Variants in ZNF879 observed in about 807,000 individuals in gnomAD.
The protein encoded by ZNF879 is zinc finger protein 879.
ZNF879 carries 32 observed loss-of-function variants against 44.3 expected under a neutral mutation model. That is an observed-to-expected ratio of 0.72 (90% CI 0.54 to 0.97). The LOEUF (loss-of-function observed/expected upper bound fraction) is 0.97. Among genes scored for constraint, ZNF879 ranks in the 50% least tolerant of loss-of-function variants. The pLI, the probability that ZNF879 is intolerant of heterozygous loss-of-function variation, is 0.00. For missense variants in ZNF879, 621 were observed against 669.7 expected (o/e 0.93, Z 0.80); for synonymous variants, 234 against 233.2 (o/e 1.00, Z -0.03).
rs1761521021 is a variant in ZNF879 at position 179,034,236 on chromosome 5, T to A, written c.*596T>A. On this transcript the variant is annotated 3_prime_UTR_variant, in exon 5 of 5. Transcript: ENST00000444149. ...ATAAACTATGCAGACGTACTGTCTT[T>A]GCGTTTTCTTCCTGACTACTTGTTC... 7.4e-6 allele frequency: 1 copy of A among 134,912 alleles called. No homozygotes were observed. Among genetic ancestry groups the A allele is most frequent in the Non-Finnish European group, 1.7e-5 (1 of 58,890 alleles). The allele number at this position is 134,912 out of a possible 1,614,324, so 8.4% of individuals were successfully genotyped here. A position where few individuals can be genotyped will look rare whatever the true frequency, so the allele number is the denominator to read the frequency against.
intron 4 of ZNF879, among the ~76,000 whole-genome samples, chr5:179,029,670 A>C (rs1287471395): frequency 6.6e-6 from 1 of 152,186 alleles, no homozygotes; most frequent in African/African-American, 2.4e-5. Flanking sequence ...AGCAAAAAAA[A>C]GTCACCTGGA....
chr5:179,027,631 C>G (rs1425919085), intron 3 of ZNF879, 32 bp downstream of exon 3: 8 of 1,609,722 alleles, frequency 5.0e-6, no homozygotes, highest in Non-Finnish European at 4.2e-6. Context: ...GCAGAATCTG[C>G]CAGGAGAGCA....
rs955924858 is a variant in ZNF879, at chr5:179,034,696, C to A, written c.*1056C>A. On this transcript the variant is annotated 3_prime_UTR_variant, in exon 5 of 5. Coordinates refer to ENST00000444149, the MANE Select transcript of ZNF879 (RefSeq NM_001136116.3). ...CTCTTTCTTCCAGCAAATGGACTTACACTCTTCAACAAGTGATTTAGCTCA... is the reference window on the plus strand; with the variant it reads ...CTCTTTCTTCCAGCAAATGGACTTAAACTCTTCAACAAGTGATTTAGCTCA... 5.3e-5 allele frequency: 8 copies of A among 152,236 alleles called. No individual in the cohort carries two copies. The highest frequency in any genetic ancestry group is 1.7e-4 in the African/African-American group (7 of 41,458). 9.4% of individuals were successfully genotyped at this position (152,236 alleles called of 1,614,324 possible).
Position 179,033,503 on chromosome 5 carries a change from A to G in ZNF879, c.1555A>G (p.Lys519Glu). 6.4e-7 allele frequency: 1 copy of G among 1,559,864 alleles called. No individual in the cohort carries two copies. Among genetic ancestry groups the G allele is most frequent in the Non-Finnish European group, 8.7e-7 (1 of 1,152,040 alleles). Reference sequence around the variant, plus strand: ...ACCATATAATTGTAAAGTGTGTGGGAAAGCCTTCAGACAGAGTTCATCCCT... The same window carrying G: ...ACCATATAATTGTAAAGTGTGTGGGGAAGCCTTCAGACAGAGTTCATCCCT... ...EKPYNCKVCG[K>E]AFRQSSSLMT... Residue 519 changes from lysine to glutamate, a missense_variant, in exon 5 of 5, where the codon AAA becomes GAA. Coordinates refer to ENST00000444149, the MANE Select transcript of ZNF879 (RefSeq NM_001136116.3).
Position 179,034,879 on chromosome 5 carries a change from A to G in ZNF879, c.*1239A>G, listed in dbSNP as rs1761543529. ...AGGGCTGAAACGACCCATTTCATAA[A>G]GTGCTAAGTTTTTCTGCCAAGGAAC... is the stretch of plus-strand genomic sequence containing the variant. On this transcript the variant is annotated 3_prime_UTR_variant, in exon 5 of 5. Coordinates refer to ENST00000444149, the MANE Select transcript of ZNF879 (RefSeq NM_001136116.3). The G allele has an allele frequency of 6.6e-6, 1 of 152,168 alleles. No homozygotes were observed. Among genetic ancestry groups the G allele is most frequent in the Non-Finnish European group, 1.5e-5 (1 of 68,032 alleles). The allele number at this position is 152,168 out of a possible 1,614,324, so 9.4% of individuals were successfully genotyped here.
chr5:179,028,030 A>G lies in ZNF879; in HGVS notation c.161-2A>G. The G allele has an allele frequency of 1.9e-6, 3 of 1,551,500 alleles. No homozygotes were observed. The highest frequency in any genetic ancestry group is 1.4e-5 in the African/African-American group (1 of 73,134). On this transcript the variant is annotated splice_acceptor_variant, in intron 3 of 4. Coordinates refer to ENST00000444149, the MANE Select transcript of ZNF879 (RefSeq NM_001136116.3). LOFTEE classifies it high-confidence loss of function. ...TCACGTTTCTTTCTTGTTCATGAAC[A>G]GGGATTCTCTTTTCCAAGCCAAAGG...
At chr5:179,030,178 A>G (rs1053976872) in intron 4 of ZNF879, among the ~76,000 whole-genome samples, 2 of 152,194 alleles carry the variant, frequency 1.3e-5, no homozygotes, top group Non-Finnish European at 2.9e-5. Flanking sequence ...TTCCCTTATT[A>G]CCAAGGATTA....
chr5:179,027,644 T>C lies in ZNF879; in HGVS notation c.160+45T>C, dbSNP rs188202517. 51 of 1,602,566 alleles carry C rather than the reference T, an allele frequency of 3.2e-5. No homozygotes were observed. In the African/African-American group the frequency reaches 6.2e-4, roughly 19 times the overall value. ...ATGCAGAATCTGCCAGGAGAGCACC[T>C]TAGCACCCTCAGGGGGCACATTTGG... On this transcript the variant is annotated intron_variant, in intron 3 of 4. Coordinates refer to ENST00000444149, the MANE Select transcript of ZNF879 (RefSeq NM_001136116.3).
chr5:179,024,830 C>G, intron 1 of ZNF879, 140 bp from the exon 2 acceptor site: 8 of 631,774 alleles, frequency 1.3e-5, no homozygotes, highest in Non-Finnish European at 1.9e-5. Context: ...AGTGGCCGGA[C>G]TTAGGGCCCC....
At chr5:179,026,568 G>A (rs971556377) in intron 2 of ZNF879, among the ~76,000 whole-genome samples, 3 of 152,042 alleles carry the variant, frequency 2.0e-5, no homozygotes, top group Admixed American at 6.5e-5. Context: ...CTGCAGCCTC[G>A]ACCTCCTGGG....
At position 179,032,564 on chromosome 5, in the gene ZNF879, T is replaced by C; in HGVS notation, c.616T>C (p.Cys206Arg). The C allele has an allele frequency of 6.4e-7, 1 of 1,552,252 alleles. No individual in the cohort carries two copies. The highest frequency in any genetic ancestry group is 8.7e-7 in the Non-Finnish European group (1 of 1,147,354). The stretch of plus-strand genomic sequence containing the variant: ...CAACACAGTGCGTAAATGTTATAAA[T>C]GTAATATCTGTGGGAAAATCTTCCT... ...GVNTVRKCYK[C>R]NICGKIFLHS... The change falls in exon 5 of 5, where the codon TGT (cysteine) becomes CGT (arginine). Residue 206 changes from cysteine to arginine, a missense_variant. Transcript: ENST00000444149.
chr5:179,032,472 G>A lies in ZNF879; in HGVS notation c.524G>A (p.Arg175Lys). The change falls in exon 5 of 5, where the codon AGA becomes AAA. Residue 175 changes from arginine to lysine, a missense_variant. Coordinates refer to ENST00000444149, the MANE Select transcript of ZNF879 (RefSeq NM_001136116.3). The part of the protein sequence containing the change: ...GLKSSLIRKP[R>K]IVSRGRRPRS... ...AAATCATCGCTTATTAGAAAACCGAGAATAGTTTCCAGAGGAAGGAGACCC... is the reference window on the plus strand; with the variant it reads ...AAATCATCGCTTATTAGAAAACCGAAAATAGTTTCCAGAGGAAGGAGACCC... The A allele has an allele frequency of 6.4e-7, 1 of 1,551,698 alleles. No individual in the cohort carries two copies. The highest frequency in any genetic ancestry group is 1.2e-5 in the South Asian group (1 of 84,066).
chr5:179,026,911 T>C lies in ZNF879; in HGVS notation c.34-562T>C, dbSNP rs77016199. Among the ~76,000 whole-genome samples, 620 of 152,300 alleles carry C rather than the reference T, an allele frequency of 4.1e-3. 4 individuals are homozygous for C. The highest frequency in any genetic ancestry group is 0.014 in the African/African-American group (571 of 41,570). ...GGGTGGGGAGGGAGACTACTGACCA[T>C]AGCCTTCTCCTCTGGCTTGAAAGGT... On this transcript the variant is annotated intron_variant, in intron 2 of 4. Coordinates refer to ENST00000444149, the MANE Select transcript of ZNF879 (RefSeq NM_001136116.3).
intron 2 of ZNF879, among the ~76,000 whole-genome samples, chr5:179,025,841 C>G (rs994698045): frequency 1.3e-5 from 2 of 151,496 alleles, no homozygotes; most frequent in Admixed American, 6.6e-5. Context: ...CACTTGAACC[C>G]GGGAGGCAGG....
In ZNF879 at chr5:179,033,721, A is replaced by G. The variant is rs1761504369; in HGVS notation, c.*81A>G. On this transcript the variant is annotated 3_prime_UTR_variant, in exon 5 of 5. Coordinates refer to ENST00000444149, the MANE Select transcript of ZNF879 (RefSeq NM_001136116.3). The stretch of plus-strand genomic sequence containing the variant: ...AAAAATTCATTGTGGGGAGAAAGTG[A>G]TGAAGAGTAGTTAATCATAGGTAAA... 1 of 1,078,220 alleles carries G rather than the reference A, an allele frequency of 9.3e-7. No homozygotes were observed. The highest frequency in any genetic ancestry group is 3.1e-5 in the Admixed American group (1 of 32,568). The allele number at this position is 1,078,220 out of a possible 1,614,324, so 66.8% of individuals were successfully genotyped here.
intron 4 of ZNF879, 80 bp downstream of exon 4, chr5:179,028,207 C>T (rs921797981): frequency 2.4e-6 from 3 of 1,250,824 alleles, no homozygotes; most frequent in African/African-American, 1.5e-5. Context: ...GCTCAAGGGT[C>T]TCCTTGATGT....
At position 179,032,935 on chromosome 5, in the gene ZNF879, A is replaced by G; in HGVS notation, c.987A>G (p.Ser329=). 6.4e-7 allele frequency: 1 copy of G among 1,563,916 alleles called. No individual in the cohort carries two copies. Among genetic ancestry groups the G allele is most frequent in the Non-Finnish European group, 8.7e-7 (1 of 1,154,164 alleles). The part of the protein sequence containing the change: ...NECGRAFSQC[S]SLIQHHRIHT... The stretch of plus-strand genomic sequence containing the variant: ...GTGGGAGGGCCTTCAGTCAGTGCTC[A>G]TCTCTCATTCAGCACCACAGAATTC... Residue 329 remains serine (S), a synonymous_variant, in exon 5 of 5, where the codon TCA becomes TCG. Transcript: ENST00000444149.
At position 179,033,770 on chromosome 5, in the gene ZNF879, A is replaced by G; in HGVS notation, c.*130A>G. 1.6e-6 allele frequency: 1 copy of G among 607,592 alleles called. No homozygotes were observed. Among genetic ancestry groups the G allele is most frequent in the Non-Finnish European group, 2.7e-6 (1 of 366,166 alleles). The allele number at this position is 607,592 out of a possible 1,614,324, so 37.6% of individuals were successfully genotyped here. A position where few individuals can be genotyped will look rare whatever the true frequency, so the allele number is the denominator to read the frequency against. Reference sequence around the variant, plus strand: ...AAACTTCAGCATTAGACCTCATCACACATCAGAGACTTCATGATGCAGGGT... The same window carrying G: ...AAACTTCAGCATTAGACCTCATCACGCATCAGAGACTTCATGATGCAGGGT... On this transcript the variant is annotated 3_prime_UTR_variant, in exon 5 of 5. Transcript: ENST00000444149.
chr5:179,029,059 C>T (rs765378274), intron 4 of ZNF879, among the ~76,000 whole-genome samples: 6 of 137,780 alleles, frequency 4.4e-5, no homozygotes, highest in African/African-American at 8.8e-5. Context: ...TTTTTTCTCT[C>T]CTCTGAGATT....
Sources: gnomAD v4.1 joint callset for allele counts (sites outside exome capture counted in the v4.1 genomes callset) on GRCh38, gnomAD v4.1.1 for gene constraint, MANE v1.5 for transcripts, NCBI Gene and HGNC (gene_info 2026-07-23, HGNC 2026-07-21) for gene names.